Variants in MTMR7 observed in about 807,000 individuals in gnomAD.
The protein encoded by MTMR7 is myotubularin related protein 7, also known as phosphatidylinositol-3-phosphate phosphatase MTMR7.
A neutral mutation model predicts 81.2 loss-of-function variants in MTMR7; 76 were observed. The ratio of observed to expected loss-of-function variants is 0.94; its 90% CI spans 0.78 to 1.13. The LOEUF is 1.13. Ranked by LOEUF, MTMR7 falls within the 50% of genes most tolerant of loss-of-function variation. The pLI is 0.00. For synonymous variants in MTMR7, 372 were observed against 289.8 expected (o/e 1.28, Z -2.88); for missense variants, 1,044 against 820.0 (o/e 1.27, Z -3.34).
At chr8:17,328,272 G>C (rs1221977088) in intron 7 of MTMR7, among the ~76,000 whole-genome samples, 1 of 152,130 alleles carries the variant, frequency 6.6e-6, no homozygotes, top group Non-Finnish European at 1.5e-5. Flanking sequence ...GTGGAGAGAT[G>C]CAAGTAACTC....
At chr8:17,375,009 C>T (rs1443692718) in intron 1 of MTMR7, among the ~76,000 whole-genome samples, 1 of 151,856 alleles carries the variant, frequency 6.6e-6, no homozygotes, top group Non-Finnish European at 1.5e-5. Context: ...TAACTGCTTA[C>T]AACTGGAAGG....
chr8:17,360,789 A>G (rs941266499), intron 4 of MTMR7, among the ~76,000 whole-genome samples: 1 of 152,036 alleles, frequency 6.6e-6, no homozygotes, highest in African/African-American at 2.4e-5. Context: ...ACTACACTAT[A>G]AAAAGACCTG....
intron 7 of MTMR7, among the ~76,000 whole-genome samples, chr8:17,322,669 TA>T (rs989840929): frequency 6.6e-6 from 1 of 151,556 alleles, no homozygotes; most frequent in Non-Finnish European, 1.5e-5. Context: ...AAAATAAAAA[TA>T]AAAAATTAGC....
At chr8:17,347,253 G>A (rs1819582891) in intron 5 of MTMR7, among the ~76,000 whole-genome samples, 1 of 151,546 alleles carries the variant, frequency 6.6e-6, no homozygotes. Context: ...CCAGCTCTGT[G>A]CAAGCTGAAA....
rs924123493 is a variant in MTMR7, at chr8:17,338,936, C to T, written c.732+2427G>A. ...CTTCTCTCCCGCTGTGTGCTTTGCT[C>T]CGAAGAAGACTGGATGGTTCTGAGA... On this transcript the variant is annotated intron_variant, in intron 6 of 13. Transcript: ENST00000180173. 3.9e-5 allele frequency: 6 copies of T among 152,200 alleles called. No homozygotes were observed. In the East Asian group the frequency reaches 9.7e-4, roughly 25 times the overall value. 9.4% of individuals were successfully genotyped at this position (152,200 alleles called of 1,614,324 possible).
At chr8:17,335,821 GA>G (rs1415609118) in intron 6 of MTMR7, among the ~76,000 whole-genome samples, 1 of 152,202 alleles carries the variant, frequency 6.6e-6, no homozygotes, top group Admixed American at 6.5e-5. Context: ...CATTCAGATA[GA>G]AAATCTCCAT....
intron 9 of MTMR7, among the ~76,000 whole-genome samples, chr8:17,310,099 C>T (rs568054486): frequency 3.3e-5 from 5 of 152,094 alleles, no homozygotes; most frequent in African/African-American, 9.7e-5. Context: ...CTCCTGAGCT[C>T]GAGCGATCCT....
chr8:17,364,021 A>G (rs868055755), intron 3 of MTMR7, among the ~76,000 whole-genome samples: 6 of 71,032 alleles, frequency 8.4e-5, no homozygotes, highest in African/African-American at 1.4e-4. Flanking sequence ...TGTTGCTATT[A>G]TTTTTTTTTT....
chr8:17,305,252 C>T (rs184566891), intron 11 of MTMR7, among the ~76,000 whole-genome samples: 4 of 152,234 alleles, frequency 2.6e-5, no homozygotes, highest in Non-Finnish European at 5.9e-5. Flanking sequence ...AAAAAATGTT[C>T]TCTCATGTAT....
chr8:17,410,470 G>C (rs7814662), intron 1 of MTMR7, among the ~76,000 whole-genome samples: 12,662 of 152,186 alleles, frequency 0.083, 1,545 homozygotes, highest in African/African-American at 0.26. Flanking sequence ...CAAGTTTTCA[G>C]AGTGGTAAGG....
chr8:17,345,846 T>A (rs1819537566), intron 5 of MTMR7, among the ~76,000 whole-genome samples: 1 of 152,178 alleles, frequency 6.6e-6, no homozygotes, highest in South Asian at 2.1e-4. Flanking sequence ...AAATCAAAAG[T>A]GTCCCTTTGG....
intron 11 of MTMR7, among the ~76,000 whole-genome samples, chr8:17,304,969 G>T (rs540254776): frequency 6.6e-6 from 1 of 152,170 alleles, no homozygotes; most frequent in African/African-American, 2.4e-5. Flanking sequence ...CTAGTAAGTG[G>T]AAAAGCCATA....
chr8:17,347,252 T>C (rs1819582816), intron 5 of MTMR7, among the ~76,000 whole-genome samples: 1 of 151,832 alleles, frequency 6.6e-6, no homozygotes. Flanking sequence ...TCCAGCTCTG[T>C]GCAAGCTGAA....
At chr8:17,375,033 G>A (rs904190516) in intron 1 of MTMR7, among the ~76,000 whole-genome samples, 8 of 150,838 alleles carry the variant, frequency 5.3e-5, no homozygotes, top group East Asian at 2.3e-4. Flanking sequence ...AGGTTGCAGT[G>A]AGCCGAGATC....
chr8:17,330,197 T>G (rs1381637407), intron 7 of MTMR7, among the ~76,000 whole-genome samples: 2 of 152,206 alleles, frequency 1.3e-5, no homozygotes, highest in Admixed American at 6.5e-5. Context: ...GAAGAACGGC[T>G]TAAGTAACTG....
intron 1 of MTMR7, among the ~76,000 whole-genome samples, chr8:17,399,806 G>A (rs1821367432): frequency 6.6e-6 from 1 of 151,628 alleles, no homozygotes; most frequent in Admixed American, 6.6e-5. Context: ...CAAACTAAGT[G>A]GCCATCAACA....
At chr8:17,400,703 C>A (rs1232699542) in intron 1 of MTMR7, among the ~76,000 whole-genome samples, 4 of 152,192 alleles carry the variant, frequency 2.6e-5, no homozygotes, top group Non-Finnish European at 4.4e-5. Context: ...CAATATTTAA[C>A]AGCTGTTGAG....
intron 6 of MTMR7, among the ~76,000 whole-genome samples, chr8:17,335,946 T>C (rs76665116): frequency 0.012 from 1,834 of 152,266 alleles, 36 homozygotes; most frequent in East Asian, 0.076. Flanking sequence ...CTCCCTCTCC[T>C]CTTTATTGTA....
chr8:17,325,333 C>A (rs528069766), intron 7 of MTMR7, among the ~76,000 whole-genome samples: 1 of 152,280 alleles, frequency 6.6e-6, no homozygotes, highest in East Asian at 1.9e-4. Flanking sequence ...CCATCCTTTC[C>A]ACACCGAATG....
Sources: gnomAD v4.1 joint callset for allele counts (sites outside exome capture counted in the v4.1 genomes callset) on GRCh38, gnomAD v4.1.1 for gene constraint, MANE v1.5 for transcripts, NCBI Gene and HGNC (gene_info 2026-07-23, HGNC 2026-07-21) for gene names.